Variants in HHIP observed in about 807,000 individuals in gnomAD.
HHIP encodes hedgehog-interacting protein.
Under a neutral mutation model 74.0 loss-of-function variants are expected in HHIP, and 12 were observed. That is an observed-to-expected ratio of 0.16 (90% CI 0.10 to 0.26). The LOEUF is 0.26. HHIP is among the 10% of genes least tolerant of loss of function. HHIP has a pLI of 1.00. For missense variants in HHIP, 788 were observed against 845.0 expected (o/e 0.93, Z 0.84); for synonymous variants, 309 against 311.6 (o/e 0.99, Z 0.09).
At chr4:144,683,747 T>C (rs1729406501) in intron 4 of HHIP, among the ~76,000 whole-genome samples, 1 of 152,204 alleles carries the variant, frequency 6.6e-6, no homozygotes, top group Non-Finnish European at 1.5e-5. Context: ...GTGGCTACTT[T>C]TGTGCTACAA....
At chr4:144,656,677 C>G (rs1017332070) in intron 2 of HHIP, among the ~76,000 whole-genome samples, 8 of 152,112 alleles carry the variant, frequency 5.3e-5, no homozygotes, top group African/African-American at 1.9e-4. Flanking sequence ...ATAAATATGA[C>G]CATAGTATGA....
At chr4:144,729,483 C>T (rs1730891042) in intron 11 of HHIP, among the ~76,000 whole-genome samples, 1 of 152,094 alleles carries the variant, frequency 6.6e-6, no homozygotes, top group African/African-American at 2.4e-5. Flanking sequence ...TAGAAACAGG[C>T]CTCACAAACT....
intron 2 of HHIP, among the ~76,000 whole-genome samples, chr4:144,657,518 C>A (rs905038638): frequency 1.3e-5 from 2 of 152,044 alleles, no homozygotes; most frequent in Admixed American, 6.6e-5. Flanking sequence ...CTGGTAATAC[C>A]GTCATATTTT....
intron 4 of HHIP, among the ~76,000 whole-genome samples, chr4:144,669,332 A>T (rs1728968399): frequency 2.0e-5 from 3 of 152,220 alleles, no homozygotes; most frequent in Non-Finnish European, 4.4e-5. Context: ...AAATCACGTA[A>T]CTTTCTATCC....
intron 1 of HHIP, among the ~76,000 whole-genome samples, chr4:144,650,240 TG>T (rs1728381215): frequency 6.6e-6 from 1 of 152,116 alleles, no homozygotes; most frequent in Non-Finnish European, 1.5e-5. Flanking sequence ...CCTTCTTCTA[TG>T]GATTTTATTT....
intron 11 of HHIP, among the ~76,000 whole-genome samples, chr4:144,728,410 C>G (rs778437123): frequency 6.6e-6 from 1 of 152,074 alleles, no homozygotes; most frequent in Non-Finnish European, 1.5e-5. Flanking sequence ...TTTCTAGACA[C>G]TATGTAAAAA....
intron 4 of HHIP, among the ~76,000 whole-genome samples, chr4:144,691,526 G>A (rs966893351): frequency 1.3e-5 from 2 of 152,028 alleles, no homozygotes; most frequent in Admixed American, 6.6e-5. Context: ...GATGATTCTT[G>A]AAATATCTAT....
chr4:144,649,005 C>A (rs1459648192), intron 1 of HHIP, among the ~76,000 whole-genome samples: 2 of 152,108 alleles, frequency 1.3e-5, no homozygotes, highest in Admixed American at 6.5e-5. Flanking sequence ...ATCAACAATA[C>A]CCAAATTGTT....
Position 144,740,607 on chromosome 4 carries a change from T to C in HHIP, c.*2650T>C, listed in dbSNP as rs559197367. 4.7e-4 allele frequency: 71 copies of C among 152,336 alleles called. No homozygotes were observed. Among genetic ancestry groups the C allele is most frequent in the Non-Finnish European group, 9.7e-4 (66 of 68,034 alleles). 9.4% of individuals were successfully genotyped at this position (152,336 alleles called of 1,614,324 possible). A position where few individuals can be genotyped will look rare whatever the true frequency, so the allele number is the denominator to read the frequency against. On this transcript the variant is annotated 3_prime_UTR_variant, in exon 13 of 13. Transcript: ENST00000296575. ...CAAAAATTCTCTTTGACCTTTTCTT[T>C]CAAGTAGATTTTTTTAAATGCATGA... is the stretch of plus-strand genomic sequence containing the variant.
At position 144,735,017 on chromosome 4, in the gene HHIP, T is replaced by C. The variant is rs1205822435; in HGVS notation, c.1909+128T>C. Reference sequence around the variant, plus strand: ...AAAAGTATTTAGCCATTTACAATACTATTAATGCTCATCTGTTTATGAGCT... The same window carrying C: ...AAAAGTATTTAGCCATTTACAATACCATTAATGCTCATCTGTTTATGAGCT... On this transcript the variant is annotated intron_variant, in intron 12 of 12. Transcript: ENST00000296575. The C allele has an allele frequency of 5.2e-6, 4 of 767,538 alleles. No individual in the cohort carries two copies. In the African/African-American group the frequency reaches 7.0e-5, roughly 13 times the overall value. The allele number at this position is 767,538 out of a possible 1,614,324, so 47.5% of individuals were successfully genotyped here.
rs369873424 is a variant in HHIP, at chr4:144,708,301, G to A, written c.1291G>A (p.Asp431Asn). 7.4e-6 allele frequency: 12 copies of A among 1,613,890 alleles called. No individual in the cohort carries two copies. The South Asian group carries it at 8.8e-5, about 12-fold the overall frequency. Reference protein sequence around the residue: ...PPEVFAHGLHDPGRCAVDRHP... With the variant: ...PPEVFAHGLHNPGRCAVDRHP... ...CGAAGTGTTTGCTCATGGGCTCCAC[G>A]ATCCAGGCAGGTGAGAACACAAGTC... The change falls in exon 7 of 13, where the codon GAT (aspartate) becomes AAT (asparagine). Residue 431 changes from aspartate (D) to asparagine (N), a missense_variant. This residue lies in a region of HHIP where 343 missense variants were observed against 347.9 expected (regional missense o/e 0.99). Transcript: ENST00000296575.
intron 11 of HHIP, 34 bp from the exon 12 acceptor site, chr4:144,734,706 TG>T: frequency 2.1e-6 from 3 of 1,461,908 alleles, no homozygotes; most frequent in Non-Finnish European, 1.8e-6. Context: ...GATTTTCAAA[TG>T]GAATACACTT....
In HHIP at chr4:144,692,264, C is replaced by T. The variant is rs188299579; in HGVS notation, c.832-14267C>T. On this transcript the variant is annotated intron_variant, in intron 4 of 12. Coordinates refer to ENST00000296575, the MANE Select transcript of HHIP (RefSeq NM_022475.3). Reference sequence around the variant, plus strand: ...TCAAACAGCCTGGAAGTCACATAAGCGAAGATTCAAACCCAACTGTCATGT... The same window carrying T: ...TCAAACAGCCTGGAAGTCACATAAGTGAAGATTCAAACCCAACTGTCATGT... 3.1e-3 allele frequency among the ~76,000 whole-genome samples: 474 copies of T among 152,110 alleles called. 3 individuals carry two copies. Among genetic ancestry groups the T allele is most frequent in the African/African-American group, 0.011 (454 of 41,504 alleles).
intron 6 of HHIP, among the ~76,000 whole-genome samples, chr4:144,707,657 A>AAAAAAAAAAAAAAAAAAC (rs1161276484): frequency 2.0e-5 from 3 of 151,202 alleles, no homozygotes; most frequent in African/African-American, 7.3e-5. Context: ...AAAAAAAAAA[A>AAAAAAAAAAAAAAAAAAC]AGCAGTGTAC....
At chr4:144,703,136 C>T (rs1730035100) in intron 4 of HHIP, among the ~76,000 whole-genome samples, 1 of 151,872 alleles carries the variant, frequency 6.6e-6, no homozygotes. Context: ...ATCACTTGAA[C>T]CCAGGAGACG....
At chr4:144,717,198 T>C (rs1168799692) in intron 10 of HHIP, among the ~76,000 whole-genome samples, 3 of 152,182 alleles carry the variant, frequency 2.0e-5, no homozygotes, top group South Asian at 2.1e-4. Context: ...TGAAGAACCA[T>C]ATAAGAAAAT....
intron 10 of HHIP, among the ~76,000 whole-genome samples, chr4:144,717,522 T>A (rs750051258): frequency 3.0e-4 from 45 of 152,172 alleles, no homozygotes; most frequent in Non-Finnish European, 4.7e-4. Flanking sequence ...GAGGACCAAA[T>A]ATAAATTTTA....
chr4:144,675,640 T>C (rs1222018781), intron 4 of HHIP, among the ~76,000 whole-genome samples: 1 of 152,136 alleles, frequency 6.6e-6, no homozygotes, highest in Non-Finnish European at 1.5e-5. Flanking sequence ...TTGTTAACTA[T>C]AATTGTACTA....
intron 4 of HHIP, among the ~76,000 whole-genome samples, chr4:144,677,885 T>C (rs1729214569): frequency 6.6e-6 from 1 of 152,176 alleles, no homozygotes; most frequent in Non-Finnish European, 1.5e-5. Context: ...CTCACTTATA[T>C]CTACTTCCTT....
Sources: gnomAD v4.1 joint callset for allele counts (sites outside exome capture counted in the v4.1 genomes callset) on GRCh38, gnomAD v4.1.1 for gene constraint, gnomAD v4.1.1 regional missense constraint, MANE v1.5 for transcripts, NCBI Gene and HGNC (gene_info 2026-07-23, HGNC 2026-07-21) for gene names.